Variants in SULT6B1 observed in about 807,000 individuals in gnomAD.
The protein encoded by SULT6B1 is sulfotransferase 6B1.
A neutral mutation model predicts 37.2 loss-of-function variants in SULT6B1; 44 were observed. The ratio of observed to expected loss-of-function variants is 1.18; its 90% CI spans 0.93 to 1.52. SULT6B1 has a LOEUF of 1.52. Ranked by LOEUF, SULT6B1 falls within the 40% of genes most tolerant of loss-of-function variation. SULT6B1 has a pLI of 0.00. For synonymous variants in SULT6B1, 140 were observed against 126.0 expected (o/e 1.11, Z -0.74); for missense variants, 450 against 361.0 (o/e 1.25, Z -2.00).
In SULT6B1 at chr2:37,183,675, A is replaced by G. The variant is rs111329340; in HGVS notation, c.313-161T>C. 3.5e-3 allele frequency among the ~76,000 whole-genome samples: 538 copies of G among 151,850 alleles called. 4 individuals are homozygous for G. Among genetic ancestry groups the G allele is most frequent in the African/African-American group, 0.012 (502 of 41,384 alleles). On this transcript the variant is annotated intron_variant, in intron 2 of 6. Transcript: ENST00000535679. Reference sequence around the variant, plus strand: ...TTTTTCTTTTTTGAAACAGAGTCTCACTCTGTCGCCCAGGCTGTAGTGTTG... The same window carrying G: ...TTTTTCTTTTTTGAAACAGAGTCTCGCTCTGTCGCCCAGGCTGTAGTGTTG...
At chr2:37,184,830 T>TA (rs551575379) in intron 2 of SULT6B1, among the ~76,000 whole-genome samples, 5,479 of 144,116 alleles carry the variant, frequency 0.038, 129 homozygotes, top group Middle Eastern at 0.12. Flanking sequence ...AGACTCCATT[T>TA]AAAAAAAAAA....
intron 4 of SULT6B1, among the ~76,000 whole-genome samples, chr2:37,177,997 A>T (rs1045982618): frequency 8.5e-5 from 13 of 152,168 alleles, no homozygotes; most frequent in African/African-American, 2.9e-4. Context: ...TCTGGCCACT[A>T]TACTCATGGA....
intron 3 of SULT6B1, among the ~76,000 whole-genome samples, chr2:37,181,913 T>C (rs933343494): frequency 7.9e-5 from 12 of 152,204 alleles, no homozygotes; most frequent in African/African-American, 2.9e-4. Flanking sequence ...TATTCAAAGC[T>C]GGCTTAGGGG....
chr2:37,175,268 CTG>C (rs1333488170), intron 4 of SULT6B1, 42 bp from the exon 5 acceptor site: 1 of 1,167,266 alleles, frequency 8.6e-7, no homozygotes, highest in African/African-American at 1.5e-5. Context: ...TGTCAAATAA[CTG>C]AGGTTAAAAT....
intron 4 of SULT6B1, among the ~76,000 whole-genome samples, chr2:37,176,260 C>CTTTT (rs34578951): frequency 3.7e-4 from 42 of 112,584 alleles, no homozygotes; most frequent in East Asian, 5.4e-4. Context: ...CACGCAATAG[C>CTTTT]TTTTTTTTTT....
chr2:37,195,637 C>T (rs1321353598), intron 1 of SULT6B1, among the ~76,000 whole-genome samples: 4 of 152,284 alleles, frequency 2.6e-5, no homozygotes, highest in Admixed American at 1.3e-4. Flanking sequence ...ACTAGAACTT[C>T]GATGAAGGTA....
At chr2:37,191,274 AAAAAAAATCT>A, upstream of SULT6B1, 1 of 152,166 alleles carries the variant, frequency 6.6e-6, no homozygotes, top group Non-Finnish European at 1.5e-5. Context: ...AAAAAAAAAA[AAAAAAAATCT>A]TATTTTCTGA....
Position 37,171,505 on chromosome 2 carries a change from C to G in SULT6B1, c.710G>C (p.Ser237Thr). 2 of 1,614,166 alleles carry G rather than the reference C, an allele frequency of 1.2e-6. No homozygotes were observed. Among genetic ancestry groups the G allele is most frequent in the East Asian group, 4.5e-5 (2 of 44,886 alleles). The stretch of plus-strand genomic sequence containing the variant: ...CTTCGCACGCATGGCTTGGAAGGTG[C>G]TCTGGACTGAGATAGTTTGAATTTG... The part of the protein sequence containing the change: ...GEQIQTISVQ[S>T]TFQAMRAKSQ... Residue 237 changes from serine to threonine, a missense_variant, in exon 6 of 7, where the codon AGC (serine) becomes ACC (threonine). Coordinates refer to ENST00000535679, the MANE Select transcript of SULT6B1 (RefSeq NM_001367551.1).
At chr2:37,191,405 G>A (rs142575100), upstream of SULT6B1, among the ~76,000 whole-genome samples, 1,917 of 152,274 alleles carry the variant, frequency 0.013, 22 homozygotes, top group Admixed American at 0.019. Flanking sequence ...GCCTGCCTAT[G>A]TTATAGCTCA....
intron 4 of SULT6B1, among the ~76,000 whole-genome samples, chr2:37,177,874 C>T (rs1434448988): frequency 1.3e-5 from 2 of 152,140 alleles, no homozygotes; most frequent in Admixed American, 6.6e-5. Context: ...AAGTAGCCCT[C>T]TTAGAGTGAA....
chr2:37,192,754 A>C (rs911559015), upstream of SULT6B1, among the ~76,000 whole-genome samples: 8 of 152,218 alleles, frequency 5.3e-5, no homozygotes, highest in Non-Finnish European at 8.8e-5. Context: ...TGAGTAAAAA[A>C]CTTAAAAAGA....
At chr2:37,192,965 G>A (rs1259987251), upstream of SULT6B1, among the ~76,000 whole-genome samples, 1 of 152,210 alleles carries the variant, frequency 6.6e-6, no homozygotes, top group Non-Finnish European at 1.5e-5. Flanking sequence ...AATAATTACA[G>A]AATAACCTGT....
At chr2:37,187,561 T>A (rs924358186) in intron 1 of SULT6B1, 94 bp from the exon 2 acceptor site, 2 of 672,404 alleles carry the variant, frequency 3.0e-6, no homozygotes, top group Non-Finnish European at 4.9e-6. Flanking sequence ...AATTAAAATC[T>A]ACAACCATTC....
At chr2:37,195,511 G>A (rs759991974) in intron 1 of SULT6B1, among the ~76,000 whole-genome samples, 1 of 152,124 alleles carries the variant, frequency 6.6e-6, no homozygotes, top group Admixed American at 6.5e-5. Flanking sequence ...CGTGGACAGA[G>A]TTAGCTCCAG....
intron 3 of SULT6B1, among the ~76,000 whole-genome samples, 165 bp from the exon 4 acceptor site, chr2:37,179,749 G>C (rs1676511785): frequency 6.6e-6 from 1 of 152,108 alleles, no homozygotes. Flanking sequence ...TGGCTGATGG[G>C]GAAATCTGGG....
At chr2:37,193,585 G>GAAGAAA (rs1676826387), upstream of SULT6B1, among the ~76,000 whole-genome samples, 1 of 138,204 alleles carries the variant, frequency 7.2e-6, no homozygotes, top group Non-Finnish European at 1.6e-5. Flanking sequence ...AGAAGAAAAA[G>GAAGAAA]AAGAAGAAGA....
At chr2:37,192,640 C>T (rs1324297060), upstream of SULT6B1, among the ~76,000 whole-genome samples, 7 of 152,180 alleles carry the variant, frequency 4.6e-5, no homozygotes, top group East Asian at 3.8e-4. Context: ...ATCTGCTTAG[C>T]GGGATTATCC....
chr2:37,185,530 A>C (rs1676652684), intron 2 of SULT6B1, among the ~76,000 whole-genome samples: 1 of 152,072 alleles, frequency 6.6e-6, no homozygotes, highest in Non-Finnish European at 1.5e-5. Context: ...TAGCCTGTCC[A>C]ACATGACGAA....
chr2:37,169,710 G>T (rs1469650069), intron 6 of SULT6B1, among the ~76,000 whole-genome samples: 1 of 152,240 alleles, frequency 6.6e-6, no homozygotes, highest in South Asian at 2.1e-4. Flanking sequence ...CGCCAGGCTG[G>T]TCTTGAACTC....
Sources: gnomAD v4.1 joint callset for allele counts (sites outside exome capture counted in the v4.1 genomes callset) on GRCh38, gnomAD v4.1.1 for gene constraint, MANE v1.5 for transcripts, NCBI Gene and HGNC (gene_info 2026-07-23, HGNC 2026-07-21) for gene names.